The following RYR3 variants were observed in gnomAD, a reference collection of about 807,000 sequenced individuals.
RYR3 encodes the protein ryanodine receptor 3, also known as brain ryanodine receptor-calcium release channel.
RYR3 carries 207 observed loss-of-function variants against 584.3 expected under a neutral mutation model. The ratio of observed to expected loss-of-function variants is 0.35; its 90% confidence interval spans 0.32 to 0.40. The LOEUF (loss-of-function observed/expected upper bound fraction) is 0.40, where lower values mean the gene tolerates loss of function less well. RYR3 is among the 10% of genes least tolerant of loss of function. RYR3 has a pLI of 1.00. For synonymous variants in RYR3, 2,416 were observed against 2,248.5 expected, an observed-to-expected ratio of 1.07 and a Z score of -2.11; for missense variants, 5,616 against 6,089.2, an observed-to-expected ratio of 0.92 and a Z score of 2.59.
At chr15:33,574,772 A>G (rs1215099333) in intron 12 of RYR3, among the ~76,000 whole-genome samples, 1 of 152,152 alleles carries the variant, frequency 6.6e-6, no homozygotes, top group East Asian at 1.9e-4. Context: ...AGGAGAGCTC[A>G]TTAGAAATTG....
At chr15:33,364,970 C>G (rs1975281017) in intron 1 of RYR3, among the ~76,000 whole-genome samples, 1 of 152,160 alleles carries the variant, frequency 6.6e-6, no homozygotes, top group Non-Finnish European at 1.5e-5. Flanking sequence ...TATATAAGAA[C>G]AGCTTTCTCA....
intron 1 of RYR3, among the ~76,000 whole-genome samples, chr15:33,374,214 C>T (rs990992495): frequency 3.9e-5 from 6 of 152,180 alleles, no homozygotes; most frequent in African/African-American, 1.4e-4. Context: ...CATCTTCAGC[C>T]TCTGAGTAAT....
intron 1 of RYR3, among the ~76,000 whole-genome samples, chr15:33,425,559 C>G (rs888351002): frequency 6.6e-6 from 1 of 152,006 alleles, no homozygotes; most frequent in Non-Finnish European, 1.5e-5. Context: ...ACAAAATAAC[C>G]CTGTGTTGTC....
At chr15:33,477,733 GAC>G (rs2049522613) in intron 2 of RYR3, among the ~76,000 whole-genome samples, 1 of 148,188 alleles carries the variant, frequency 6.7e-6, no homozygotes, top group African/African-American at 2.6e-5. Context: ...AAATTAGCCG[GAC>G]GTGGTGGCGG....
intron 98 of RYR3, among the ~76,000 whole-genome samples, chr15:33,857,166 C>T (rs909334556): frequency 9.2e-5 from 14 of 152,180 alleles, no homozygotes; most frequent in Non-Finnish European, 1.8e-4. Context: ...CGAAGTACTA[C>T]AGACTGCTAT....
chr15:33,422,800 A>C (rs1232961201), intron 1 of RYR3, among the ~76,000 whole-genome samples: 1 of 152,176 alleles, frequency 6.6e-6, no homozygotes, highest in Non-Finnish European at 1.5e-5. Context: ...CCTGTAAAAC[A>C]GTTTAAATAT....
chr15:33,826,817 G>T, intron 84 of RYR3, 65 bp downstream of exon 84: 3 of 1,163,602 alleles, frequency 2.6e-6, no homozygotes, highest in Non-Finnish European at 3.8e-6. Context: ...ATTCCGTTCA[G>T]TATGCCCCAT....
chr15:33,654,688 G>A (rs531427207), intron 32 of RYR3, among the ~76,000 whole-genome samples: 1 of 152,280 alleles, frequency 6.6e-6, no homozygotes, highest in African/African-American at 2.4e-5. Flanking sequence ...GGGAGATATA[G>A]ATAGGAAATG....
At chr15:33,447,666 G>C (rs1406908087) in intron 1 of RYR3, among the ~76,000 whole-genome samples, 1 of 152,090 alleles carries the variant, frequency 6.6e-6, no homozygotes, top group Non-Finnish European at 1.5e-5. Flanking sequence ...GCTAGGCAAA[G>C]TTAAATTAAA....
intron 52 of RYR3, among the ~76,000 whole-genome samples, chr15:33,744,070 G>C (rs2070435183): frequency 6.6e-6 from 1 of 151,974 alleles, no homozygotes; most frequent in African/African-American, 2.4e-5. Flanking sequence ...TCTCTCATAT[G>C]CACTACACAT....
chr15:33,557,189 T>TATC (rs55801309), intron 10 of RYR3, among the ~76,000 whole-genome samples: 105,858 of 151,786 alleles, frequency 0.7, 38,933 homozygotes, highest in Middle Eastern at 0.85. Flanking sequence ...GCCTCAGTGT[T>TATC]ATCTATAAAG....
intron 38 of RYR3, among the ~76,000 whole-genome samples, chr15:33,678,180 A>T (rs145647978): frequency 6.6e-6 from 1 of 152,176 alleles, no homozygotes; most frequent in Non-Finnish European, 1.5e-5. Context: ...AATGTTGGCT[A>T]TACTATTTGA....
intron 94 of RYR3, 61 bp from the exon 95 acceptor site, chr15:33,852,984 C>G (rs1424339044): frequency 2.1e-6 from 3 of 1,430,752 alleles, no homozygotes; most frequent in Non-Finnish European, 2.9e-6. Context: ...TGAAACGTTT[C>G]TTGATGTGTT....
In RYR3 at chr15:33,848,380, T is replaced by C. The variant is rs373434405; in HGVS notation, c.13587T>C (p.Asp4529=). ...ATATCACCGAACAGCCATCTGAAGA[T>C]GACATCAAGGGGCAGTGGGACCGCT... is the stretch of plus-strand genomic sequence containing the variant. ...GLYITEQPSE[D]DIKGQWDRLV... The change falls in exon 94 of 104, where the codon GAT becomes GAC. Residue 4529 remains aspartate (D), a synonymous_variant. Transcript: ENST00000634891. The C allele has an allele frequency of 1.2e-6, 2 of 1,613,510 alleles. No individual in the cohort carries two copies. Among genetic ancestry groups the C allele is most frequent in the African/African-American group, 1.3e-5 (1 of 74,902 alleles).
intron 27 of RYR3, among the ~76,000 whole-genome samples, chr15:33,641,191 G>A (rs2061804591): frequency 6.6e-6 from 1 of 152,214 alleles, no homozygotes; most frequent in Non-Finnish European, 1.5e-5. Flanking sequence ...ACGACAATTA[G>A]AAAGCAGGCA....
At chr15:33,669,841 TGTGGGGGGGGGG>T (rs1379433358) in intron 37 of RYR3, among the ~76,000 whole-genome samples, 1 of 9,396 alleles carries the variant, frequency 1.1e-4, no homozygotes, top group African/African-American at 3.9e-4. Flanking sequence ...GGTGTGTGTG[TGTGGGGGGGGGG>T]GGGGGTGTGG....
intron 1 of RYR3, among the ~76,000 whole-genome samples, chr15:33,473,009 C>G (rs1443523202): frequency 6.6e-6 from 1 of 152,186 alleles, no homozygotes; most frequent in Non-Finnish European, 1.5e-5. Context: ...CTCATCCCAC[C>G]TTGCTCTGAT....
rs1177346101 is a variant in RYR3 at position 33,699,601 on chromosome 15, T to TG, written c.6250-103_6250-102insG. On this transcript the variant is annotated intron_variant, in intron 40 of 103. Transcript: ENST00000634891. Reference sequence around the variant, plus strand: ...AAAATGGAAGGAGAAAGTTCATTTTTCCAAGTGTTCACACTTTACCCACTT... The same window carrying TG: ...AAAATGGAAGGAGAAAGTTCATTTTTGCCAAGTGTTCACACTTTACCCACTT... The TG allele has an allele frequency of 5.9e-6, 6 of 1,019,298 alleles. No homozygotes were observed. The African/African-American group carries it at 8.1e-5, about 14-fold the overall frequency. 63.1% of individuals were successfully genotyped at this position (1,019,298 alleles called of 1,614,324 possible).
intron 91 of RYR3, among the ~76,000 whole-genome samples, chr15:33,842,600 C>G (rs2078441104): frequency 6.6e-6 from 1 of 152,158 alleles, no homozygotes; most frequent in African/African-American, 2.4e-5. Flanking sequence ...GGAACGTTAC[C>G]CAGGCAGCTT....
Sources: gnomAD v4.1 joint callset for allele counts (sites outside exome capture counted in the v4.1 genomes callset) on GRCh38, gnomAD v4.1.1 for gene constraint, MANE v1.5 for transcripts, NCBI Gene and HGNC (gene_info 2026-07-23, HGNC 2026-07-21) for gene names.